KCNQ3: variants seen among roughly 807,000 people sequenced by gnomAD.
KCNQ3 encodes potassium voltage-gated channel subfamily Q member 3.
A neutral mutation model predicts 92.5 loss-of-function variants in KCNQ3; 30 were observed. The observed-to-expected ratio is 0.32, with a 90% CI of 0.24 to 0.44. The LOEUF (loss-of-function observed/expected upper bound fraction) is 0.44, where lower values mean the gene tolerates loss of function less well. Ranked by LOEUF, KCNQ3 falls within the 20% of genes least tolerant of loss-of-function variation. The pLI is 1.00. For missense variants in KCNQ3, 913 were observed against 1,140.3 expected (o/e 0.80, Z 2.87); for synonymous variants, 450 against 468.8 (o/e 0.96, Z 0.52).
intron 1 of KCNQ3, among the ~76,000 whole-genome samples, chr8:132,276,937 T>A (rs55652259): frequency 0.44 from 67,683 of 152,100 alleles, 17,000 homozygotes; most frequent in East Asian, 0.73. Flanking sequence ...TGAAACACAT[T>A]AATAAATGCT....
At chr8:132,322,963 G>A (rs890209384) in intron 1 of KCNQ3, among the ~76,000 whole-genome samples, 5 of 152,144 alleles carry the variant, frequency 3.3e-5, no homozygotes, top group African/African-American at 4.8e-5. Flanking sequence ...GTGCTGAGTC[G>A]AGCAGTTTGG....
chr8:132,283,090 C>CGTGTGTG (rs757535563), intron 1 of KCNQ3, among the ~76,000 whole-genome samples: 6 of 137,836 alleles, frequency 4.4e-5, no homozygotes, highest in African/African-American at 1.6e-4. Context: ...CTCTCTCTCT[C>CGTGTGTG]TCGTGTGTGT....
intron 1 of KCNQ3, among the ~76,000 whole-genome samples, chr8:132,452,130 C>G (rs1219941419): frequency 1.3e-5 from 2 of 152,164 alleles, no homozygotes; most frequent in African/African-American, 4.8e-5. Context: ...TTTAAGTATG[C>G]AATTCAGTGG....
chr8:132,163,359 T>C lies in KCNQ3; in HGVS notation c.1262+109A>G, dbSNP rs1316401889. ...TCAGCAACAGTGTGACCCCAAAGACTCTATCTTGGGACCAGCATGACCTCC... is the reference window on the plus strand; with the variant it reads ...TCAGCAACAGTGTGACCCCAAAGACCCTATCTTGGGACCAGCATGACCTCC... On this transcript the variant is annotated intron_variant, in intron 9 of 14. Coordinates refer to ENST00000388996, the MANE Select transcript of KCNQ3 (RefSeq NM_004519.4). 8 of 909,370 alleles carry C rather than the reference T, an allele frequency of 8.8e-6. No homozygotes were observed. The Admixed American group carries it at 1.2e-4, about 13-fold the overall frequency. The allele number at this position is 909,370 out of a possible 1,614,324, so 56.3% of individuals were successfully genotyped here.
chr8:132,251,734 A>G (rs1049730686), intron 1 of KCNQ3, among the ~76,000 whole-genome samples: 3 of 152,200 alleles, frequency 2.0e-5, no homozygotes, highest in Non-Finnish European at 2.9e-5. Context: ...TCTTTCTGGA[A>G]GAAGGCCTCC....
chr8:132,373,523 A>G (rs1291762388), intron 1 of KCNQ3, among the ~76,000 whole-genome samples: 1 of 152,116 alleles, frequency 6.6e-6, no homozygotes, highest in Non-Finnish European at 1.5e-5. Context: ...CCTACATTTA[A>G]CTACTTGCAT....
chr8:132,251,758 A>G (rs1054999693), intron 1 of KCNQ3, among the ~76,000 whole-genome samples: 4 of 152,230 alleles, frequency 2.6e-5, no homozygotes, highest in African/African-American at 9.6e-5. Flanking sequence ...AAAACAGCTC[A>G]GTCAGAGAAT....
chr8:132,478,417 T>C (rs771172519), intron 1 of KCNQ3, among the ~76,000 whole-genome samples: 2 of 152,208 alleles, frequency 1.3e-5, no homozygotes, highest in South Asian at 4.1e-4. Context: ...ACGTGAATCA[T>C]TGTATGACTG....
chr8:132,187,712 T>C (rs1827018436), intron 1 of KCNQ3, among the ~76,000 whole-genome samples: 2 of 151,204 alleles, frequency 1.3e-5, no homozygotes, highest in Admixed American at 1.3e-4. Flanking sequence ...GTGGTGGTGG[T>C]GGTGGTGATG....
At chr8:132,172,202 C>CA (rs922057450) in intron 7 of KCNQ3, among the ~76,000 whole-genome samples, 2 of 151,376 alleles carry the variant, frequency 1.3e-5, no homozygotes, top group Admixed American at 1.3e-4. Flanking sequence ...ACCACCGTAT[C>CA]AAAAAAAAGC....
In KCNQ3 at chr8:132,308,981, T is replaced by C. The variant is rs373807458; in HGVS notation, c.387-122800A>G. Among the ~76,000 whole-genome samples the C allele has an allele frequency of 4.7e-3, 722 of 152,288 alleles. 5 individuals carry two copies. The highest frequency in any genetic ancestry group is 0.017 in the African/African-American group (699 of 41,560). ...GTTCCTGGTTGTGTCTGTGAGGGTGTTGCCAAAGGAGATTAACATTTGAGT... is the reference window on the plus strand; with the variant it reads ...GTTCCTGGTTGTGTCTGTGAGGGTGCTGCCAAAGGAGATTAACATTTGAGT... On this transcript the variant is annotated intron_variant, in intron 1 of 14. Coordinates refer to ENST00000388996, the MANE Select transcript of KCNQ3 (RefSeq NM_004519.4).
At chr8:132,225,998 A>C (rs1269527319) in intron 1 of KCNQ3, among the ~76,000 whole-genome samples, 1 of 152,160 alleles carries the variant, frequency 6.6e-6, no homozygotes, top group East Asian at 1.9e-4. Context: ...TTGGCCAGGC[A>C]TGGTGGCTCA....
chr8:132,153,734 G>GCC (rs35446698), intron 9 of KCNQ3, among the ~76,000 whole-genome samples: 1,704 of 150,668 alleles, frequency 0.011, 39 homozygotes, highest in African/African-American at 0.039. Context: ...TACCCCGCAA[G>GCC]CCCCCCCCCC....
chr8:132,278,259 T>C (rs368380447), intron 1 of KCNQ3: 1 of 975,918 alleles, frequency 1.0e-6, no homozygotes, highest in Non-Finnish European at 1.2e-6. Context: ...CTCAATATCA[T>C]TTCTAATTTG....
chr8:132,201,534 C>T (rs554510926), intron 1 of KCNQ3, among the ~76,000 whole-genome samples: 5 of 151,094 alleles, frequency 3.3e-5, no homozygotes, highest in East Asian at 1.9e-4. Flanking sequence ...ACTCCCATTC[C>T]GAAAAGAAAA....
rs1456815257 is a variant in KCNQ3, at chr8:132,128,657, G to C, written c.*605C>G. ...TACTAAGTAACATCAGGCCAAGTGA[G>C]GTCTTTTGGAGAGCTTTTAAAAGGT... On this transcript the variant is annotated 3_prime_UTR_variant, in exon 15 of 15. Coordinates refer to ENST00000388996, the MANE Select transcript of KCNQ3 (RefSeq NM_004519.4). 1 of 154,920 alleles carries C rather than the reference G, an allele frequency of 6.5e-6. No homozygotes were observed. Among genetic ancestry groups the C allele is most frequent in the Non-Finnish European group, 1.4e-5 (1 of 69,852 alleles). 9.6% of individuals were successfully genotyped at this position (154,920 alleles called of 1,614,324 possible). A position where few individuals can be genotyped will look rare whatever the true frequency, so the allele number is the denominator to read the frequency against.
At chr8:132,153,909 T>C (rs543057427) in intron 9 of KCNQ3, among the ~76,000 whole-genome samples, 1 of 152,198 alleles carries the variant, frequency 6.6e-6, no homozygotes, top group Admixed American at 6.5e-5. Flanking sequence ...GGACACCTAT[T>C]CCCCTCTTTC....
intron 1 of KCNQ3, among the ~76,000 whole-genome samples, chr8:132,256,543 CT>C (rs1441607526): frequency 1.3e-5 from 2 of 152,072 alleles, no homozygotes; most frequent in African/African-American, 4.8e-5. Context: ...TGAATCAGAG[CT>C]AGATACCACA....
At chr8:132,222,991 T>TA (rs1814284322) in intron 1 of KCNQ3, among the ~76,000 whole-genome samples, 1 of 152,222 alleles carries the variant, frequency 6.6e-6, no homozygotes, top group Non-Finnish European at 1.5e-5. Flanking sequence ...GCTAAAGCTA[T>TA]AATGTATCCA....
Sources: gnomAD v4.1 joint callset for allele counts (sites outside exome capture counted in the v4.1 genomes callset) on GRCh38, gnomAD v4.1.1 for gene constraint, MANE v1.5 for transcripts, NCBI Gene and HGNC (gene_info 2026-07-23, HGNC 2026-07-21) for gene names.